The following RALGAPA2 variants were observed in gnomAD, a reference collection of about 807,000 sequenced individuals.
RALGAPA2 encodes Ral GTPase activating protein catalytic subunit alpha 2, also known as ral GTPase-activating protein subunit alpha-2.
In RALGAPA2, 139 loss-of-function variants were observed where a neutral mutation model predicts 230.4. That is an observed-to-expected ratio of 0.60 (90% CI 0.53 to 0.69). RALGAPA2 has a LOEUF of 0.69. Among genes scored for constraint, RALGAPA2 ranks in the 30% least tolerant of loss-of-function variants. RALGAPA2 has a pLI of 0.00. For missense variants in RALGAPA2, 2,163 were observed against 2,276.0 expected, an observed-to-expected ratio of 0.95 and a Z score of 1.01; for synonymous variants, 847 against 837.8, an observed-to-expected ratio of 1.01 and a Z score of -0.19.
At chr20:20,544,931 G>A (rs1278058030) in intron 24 of RALGAPA2, among the ~76,000 whole-genome samples, 2 of 152,128 alleles carry the variant, frequency 1.3e-5, no homozygotes, top group Admixed American at 6.5e-5. Flanking sequence ...GTGACAGGTT[G>A]ATGGGTGCAG....
rs1420562638 is a variant in RALGAPA2, at chr20:20,390,973, C to A, written c.*2316G>T. ...GAATTTCCCACCCCAAGGTAGGGAT[C>A]GCTGGTTCGTGAAAGCAAAATGAAA... On this transcript the variant is annotated 3_prime_UTR_variant, in exon 40 of 40. Coordinates refer to ENST00000202677, the MANE Select transcript of RALGAPA2 (RefSeq NM_020343.4). The A allele has an allele frequency of 1.3e-5, 2 of 152,224 alleles. No homozygotes were observed. The highest frequency in any genetic ancestry group is 1.3e-4 in the Admixed American group (2 of 15,288). 9.4% of individuals were successfully genotyped at this position (152,224 alleles called of 1,614,324 possible).
In RALGAPA2 at chr20:20,643,446, T is replaced by C. The variant is rs1603179228; in HGVS notation, c.372+60A>G. 5 of 1,410,940 alleles carry C rather than the reference T, an allele frequency of 3.5e-6. No homozygotes were observed. The East Asian group carries it at 1.3e-4, about 37-fold the overall frequency. 87.4% of individuals were successfully genotyped at this position (1,410,940 alleles called of 1,614,324 possible). The stretch of plus-strand genomic sequence containing the variant: ...TTCCAAAATGCCCTAACATTGTTAC[T>C]TTGTGGCATTAACAAATTTAAGAGT... On this transcript the variant is annotated intron_variant, in intron 5 of 39. Transcript: ENST00000202677.
At chr20:20,679,205 C>T (rs149823569) in intron 2 of RALGAPA2, among the ~76,000 whole-genome samples, 225 of 152,286 alleles carry the variant, frequency 1.5e-3, no homozygotes, top group African/African-American at 5.2e-3. Flanking sequence ...AAGCCACTCT[C>T]ACCCTCCTGC....
chr20:20,524,297 T>C, intron 30 of RALGAPA2, 109 bp downstream of exon 30: 1 of 1,416,890 alleles, frequency 7.1e-7, no homozygotes, highest in African/African-American at 1.4e-5. Flanking sequence ...CCACCATAAA[T>C]CCTTTTCAAA....
intron 27 of RALGAPA2, among the ~76,000 whole-genome samples, chr20:20,528,004 T>C (rs535346589): frequency 1.4e-4 from 22 of 151,868 alleles, no homozygotes; most frequent in Admixed American, 4.6e-4. Flanking sequence ...GACATGAGGC[T>C]TGGGGGAAAA....
At chr20:20,681,824 A>G (rs1179615202) in intron 1 of RALGAPA2, among the ~76,000 whole-genome samples, 1 of 152,168 alleles carries the variant, frequency 6.6e-6, no homozygotes, top group Non-Finnish European at 1.5e-5. Context: ...GAGCCACTGC[A>G]CTTCAGCCTG....
At chr20:20,567,073 C>T (rs563654728) in intron 23 of RALGAPA2, among the ~76,000 whole-genome samples, 3 of 152,280 alleles carry the variant, frequency 2.0e-5, no homozygotes, top group Non-Finnish European at 4.4e-5. Context: ...TGATGTATAA[C>T]AGACAAATTA....
intron 37 of RALGAPA2, among the ~76,000 whole-genome samples, chr20:20,425,083 T>G (rs568580602): frequency 6.6e-6 from 1 of 152,370 alleles, no homozygotes; most frequent in East Asian, 1.9e-4. Context: ...ATAGTTCATA[T>G]CTAGGTTGAT....
At chr20:20,410,031 A>G (rs1417874529) in intron 38 of RALGAPA2, among the ~76,000 whole-genome samples, 2 of 152,206 alleles carry the variant, frequency 1.3e-5, no homozygotes, top group Non-Finnish European at 2.9e-5. Flanking sequence ...AGGGAGTAGC[A>G]TTTGTCTTGA....
chr20:20,697,743 C>T (rs924299380), intron 1 of RALGAPA2, among the ~76,000 whole-genome samples: 1 of 152,122 alleles, frequency 6.6e-6, no homozygotes, highest in African/African-American at 2.4e-5. Flanking sequence ...ATGCTAGAGA[C>T]CACCACACCT....
chr20:20,515,387 T>C, intron 31 of RALGAPA2, among the ~76,000 whole-genome samples: 1 of 152,210 alleles, frequency 6.6e-6, no homozygotes, highest in East Asian at 1.9e-4. Flanking sequence ...GTGAACTTTT[T>C]TCCAAGGAGC....
At chr20:20,553,541 G>A (rs1241554095) in intron 23 of RALGAPA2, among the ~76,000 whole-genome samples, 4 of 151,410 alleles carry the variant, frequency 2.6e-5, no homozygotes, top group African/African-American at 7.3e-5. Flanking sequence ...AACAGAGAGC[G>A]AATCTATCTT....
intron 35 of RALGAPA2, among the ~76,000 whole-genome samples, chr20:20,502,211 G>C (rs183589950): frequency 1.7e-4 from 26 of 152,190 alleles, no homozygotes; most frequent in Admixed American, 5.9e-4. Flanking sequence ...ATAAAGTGCT[G>C]CACAATGAAA....
intron 37 of RALGAPA2, among the ~76,000 whole-genome samples, chr20:20,446,635 ACTGCC>A (rs2060870429): frequency 6.6e-6 from 1 of 152,242 alleles, no homozygotes; most frequent in African/African-American, 2.4e-5. Flanking sequence ...ACTGCTCAGC[ACTGCC>A]CTGGGTTATA....
intron 37 of RALGAPA2, among the ~76,000 whole-genome samples, chr20:20,426,696 G>A (rs889255586): frequency 1.3e-5 from 2 of 152,160 alleles, no homozygotes; most frequent in African/African-American, 4.8e-5. Context: ...ACAGCATACG[G>A]GATGCCCTTT....
At chr20:20,687,141 G>A (rs534180493) in intron 1 of RALGAPA2, among the ~76,000 whole-genome samples, 1 of 152,080 alleles carries the variant, frequency 6.6e-6, no homozygotes, top group Non-Finnish European at 1.5e-5. Flanking sequence ...GCTGGTGATA[G>A]GAAAAAGGGT....
At chr20:20,480,481 A>G (rs62202174) in intron 36 of RALGAPA2, among the ~76,000 whole-genome samples, 29,137 of 152,100 alleles carry the variant, frequency 0.19, 3,389 homozygotes, top group East Asian at 0.42. Context: ...TATCCCTATG[A>G]TGATAGTCTC....
Position 20,571,565 on chromosome 20 carries a change from T to A in RALGAPA2, c.3049A>T (p.Arg1017Trp), listed in dbSNP as rs999446491. The A allele has an allele frequency of 6.2e-7, 1 of 1,612,048 alleles. No individual in the cohort carries two copies. The highest frequency in any genetic ancestry group is 8.5e-7 in the Non-Finnish European group (1 of 1,179,106). Residue 1017 changes from arginine to tryptophan, a missense_variant, in exon 23 of 40, where the codon AGG (arginine) becomes TGG (tryptophan). Arg to Trp is a moderately radical substitution (Grantham distance 101). Coordinates refer to ENST00000202677, the MANE Select transcript of RALGAPA2 (RefSeq NM_020343.4). ...CTGGTCATCATGGCACAGATCAGCC[T>A]GTAGGCTTGTAGTTTGCCTTCCTTA... Reference protein sequence around the residue: ...EYKEGKLQAYRLICAMMTRRQ... With the variant: ...EYKEGKLQAYWLICAMMTRRQ...
At chr20:20,468,153 C>T (rs1293319549) in intron 37 of RALGAPA2, among the ~76,000 whole-genome samples, 1 of 152,172 alleles carries the variant, frequency 6.6e-6, no homozygotes, top group East Asian at 1.9e-4. Context: ...AATAGTAGTG[C>T]CTCTTGTTTG....
Sources: allele counts gnomAD v4.1 joint callset (sites outside exome capture counted in the v4.1 genomes callset), GRCh38; gene constraint gnomAD v4.1.1; transcripts MANE v1.5; gene names NCBI Gene and HGNC (gene_info 2026-07-23, HGNC 2026-07-21).